Variants in SAMD12 observed in about 807,000 individuals in gnomAD.
The protein encoded by SAMD12 is sterile alpha motif domain-containing protein 12.
A neutral mutation model predicts 15.0 loss-of-function variants in SAMD12; 9 were observed. That is an observed-to-expected ratio of 0.60 (90% confidence interval 0.36 to 1.05). SAMD12 has a LOEUF of 1.05. Ranked by LOEUF, SAMD12 falls within the 50% of genes least tolerant of loss-of-function variation. SAMD12 has a pLI of 0.01. For synonymous variants in SAMD12, 86 were observed against 90.1 expected (o/e 0.96, Z 0.25); for missense variants, 230 against 234.2 (o/e 0.98, Z 0.12).
intron 4 of SAMD12, among the ~76,000 whole-genome samples, chr8:118,366,728 C>A (rs1351944869): frequency 1.3e-5 from 2 of 151,732 alleles, no homozygotes; most frequent in Non-Finnish European, 2.9e-5. Flanking sequence ...AGGAAAATTG[C>A]TTGAAACTGG....
At chr8:118,452,968 C>T (rs1823126718) in intron 2 of SAMD12, among the ~76,000 whole-genome samples, 1 of 152,194 alleles carries the variant, frequency 6.6e-6, no homozygotes, top group Non-Finnish European at 1.5e-5. Context: ...AATTAGCAGA[C>T]ACATGCTAGC....
At chr8:118,166,487 G>A in the SAMD12 span, among the ~76,000 whole-genome samples, 1 of 152,196 alleles carries the variant, frequency 6.6e-6, no homozygotes, top group Admixed American at 6.5e-5. Context: ...ATCGCTTCAT[G>A]TTCATTTCCC....
At chr8:118,530,954 C>T (rs2131118200) in intron 2 of SAMD12, among the ~76,000 whole-genome samples, 1 of 152,306 alleles carries the variant, frequency 6.6e-6, no homozygotes, top group African/African-American at 2.4e-5. Flanking sequence ...GGATCTTCTG[C>T]CTCAGGTTCC....
chr8:118,156,873 A>G, the SAMD12 span, among the ~76,000 whole-genome samples: 2 of 150,824 alleles, frequency 1.3e-5, no homozygotes, highest in Non-Finnish European at 3.0e-5. Flanking sequence ...TGCAGTTATC[A>G]ATATTTGACA....
rs1385640254 is a variant in SAMD12 at position 118,536,419 on chromosome 8, T to C, written c.192+44296A>G. ...CCTTTCACTTTACTATCAGTTTAGA[T>C]TGAGCTATGTAGACTGATACACAAA... On this transcript the variant is annotated intron_variant, in intron 2 of 3. Coordinates refer to ENST00000314727, the MANE Select transcript of SAMD12 (RefSeq NM_207506.3). Among the ~76,000 whole-genome samples, 4 of 149,428 alleles carry C rather than the reference T, an allele frequency of 2.7e-5. No homozygotes were observed. In the East Asian group the frequency reaches 7.8e-4, roughly 29 times the overall value.
the SAMD12 span, among the ~76,000 whole-genome samples, chr8:118,172,603 G>A: frequency 1.3e-5 from 2 of 152,138 alleles, no homozygotes; most frequent in African/African-American, 4.8e-5. Context: ...TTTTATTGAG[G>A]TGTAATTGAT....
At chr8:118,236,303 A>G (rs1231814615) in intron 4 of SAMD12, among the ~76,000 whole-genome samples, 1 of 152,184 alleles carries the variant, frequency 6.6e-6, no homozygotes, top group Non-Finnish European at 1.5e-5. Context: ...CATTAGAGCA[A>G]TTACACCCTG....
chr8:118,551,625 G>A (rs1280113419), intron 2 of SAMD12, among the ~76,000 whole-genome samples: 2 of 151,632 alleles, frequency 1.3e-5, no homozygotes, highest in South Asian at 2.1e-4. Context: ...AACTAGAAAA[G>A]CAAGAGCAAA....
intron 3 of SAMD12, among the ~76,000 whole-genome samples, chr8:118,438,479 A>T (rs1822639373): frequency 6.6e-6 from 1 of 151,990 alleles, no homozygotes; most frequent in Non-Finnish European, 1.5e-5. Flanking sequence ...GTTCAAATAT[A>T]CACAACAGAC....
At chr8:118,256,210 A>G (rs1586391169) in intron 4 of SAMD12, among the ~76,000 whole-genome samples, 1 of 152,126 alleles carries the variant, frequency 6.6e-6, no homozygotes, top group East Asian at 1.9e-4. Context: ...TTATTTCACA[A>G]AATTTTCCTG....
the SAMD12 span, among the ~76,000 whole-genome samples, chr8:118,162,276 T>G: frequency 6.8e-6 from 1 of 146,802 alleles, no homozygotes; most frequent in African/African-American, 2.5e-5. Context: ...GTGTGCCTTA[T>G]AGATGTATCC....
chr8:118,204,160 C>G (rs1382130935), intron 4 of SAMD12, among the ~76,000 whole-genome samples: 1 of 151,698 alleles, frequency 6.6e-6, no homozygotes, highest in African/African-American at 2.4e-5. Flanking sequence ...ACAGGCATTA[C>G]CATTATAAGA....
intron 4 of SAMD12, among the ~76,000 whole-genome samples, chr8:118,362,063 AAGGTCTTC>A (rs1454429833): frequency 6.6e-6 from 1 of 151,946 alleles, no homozygotes; most frequent in Non-Finnish European, 1.5e-5. Flanking sequence ...TGGGCTGCGG[AAGGTCTTC>A]AGTGATAGAG....
At position 118,490,788 on chromosome 8, in the gene SAMD12, A is replaced by C. The variant is rs765485567; in HGVS notation, c.193-50827T>G. The stretch of plus-strand genomic sequence containing the variant: ...GTTTTCTCCTAGAGAAGGCCTCCAG[A>C]AATTGCCAAAGAACACTTTCATCTG... On this transcript the variant is annotated intron_variant, in intron 2 of 3. Coordinates refer to ENST00000314727, the MANE Select transcript of SAMD12 (RefSeq NM_207506.3). Among the ~76,000 whole-genome samples the C allele has an allele frequency of 1.4e-3, 207 of 152,152 alleles. 3 individuals carry two copies. Among genetic ancestry groups the C allele is most frequent in the Non-Finnish European group, 1.8e-3 (125 of 68,020 alleles).
intron 2 of SAMD12, among the ~76,000 whole-genome samples, chr8:118,574,766 A>T (rs1282030779): frequency 1.3e-5 from 2 of 152,174 alleles, no homozygotes; most frequent in African/African-American, 4.8e-5. Flanking sequence ...GACCCTTATG[A>T]GAATTCTTAA....
chr8:118,551,524 G>A (rs1826334982), intron 2 of SAMD12, among the ~76,000 whole-genome samples: 1 of 151,986 alleles, frequency 6.6e-6, no homozygotes, highest in African/African-American at 2.4e-5. Flanking sequence ...CACATTCAAA[G>A]CAGTGTGTAG....
chr8:118,168,205 A>G, the SAMD12 span, among the ~76,000 whole-genome samples: 2 of 152,186 alleles, frequency 1.3e-5, no homozygotes, highest in African/African-American at 2.4e-5. Flanking sequence ...CAGCAGCATG[A>G]AAATAGACTA....
intron 2 of SAMD12, among the ~76,000 whole-genome samples, chr8:118,513,471 C>A (rs1434614504): frequency 6.6e-6 from 1 of 152,154 alleles, no homozygotes; most frequent in East Asian, 1.9e-4. Flanking sequence ...CAGCCACCTA[C>A]CCTCCCAAAG....
chr8:118,402,289 C>A (rs936080517), intron 3 of SAMD12, among the ~76,000 whole-genome samples: 1 of 152,140 alleles, frequency 6.6e-6, no homozygotes, highest in Non-Finnish European at 1.5e-5. Flanking sequence ...ACCGGAGGTA[C>A]TTCTGAGGTT....
Sources: allele counts gnomAD v4.1 joint callset (sites outside exome capture counted in the v4.1 genomes callset), GRCh38; gene constraint gnomAD v4.1.1; transcripts MANE v1.5; gene names NCBI Gene and HGNC (gene_info 2026-07-23, HGNC 2026-07-21).